COMMD9: variants seen among roughly 807,000 people sequenced by gnomAD.
COMMD9 encodes the protein COMM domain containing 9.
In COMMD9, 22 loss-of-function variants were observed where a neutral mutation model predicts 23.4. The ratio of observed to expected loss-of-function variants is 0.94; its 90% CI spans 0.67 to 1.34. The LOEUF is 1.34. COMMD9 is among the 40% of genes most tolerant of loss of function. The probability of loss-of-function intolerance (pLI) is 0.00; values close to 1 mark genes in which losing one functional copy is unlikely to be tolerated. For synonymous variants in COMMD9, 99 were observed against 97.4 expected (o/e 1.02, Z -0.10); for missense variants, 231 against 240.2 (o/e 0.96, Z 0.25).
At position 36,274,988 on chromosome 11, in the gene COMMD9, A is replaced by G. The variant is rs74644565; in HGVS notation, c.457-216T>C. Reference sequence around the variant, plus strand: ...CCTGGGTCAGTCTCCATTTGCAACAAGTGCCTTGGGTAGGTATCAAAGAAG... The same window carrying G: ...CCTGGGTCAGTCTCCATTTGCAACAGGTGCCTTGGGTAGGTATCAAAGAAG... On this transcript the variant is annotated intron_variant, in intron 5 of 5. Coordinates refer to ENST00000263401, the MANE Select transcript of COMMD9 (RefSeq NM_014186.4). 7.2e-3 allele frequency among the ~76,000 whole-genome samples: 1,090 copies of G among 152,338 alleles called. 13 individuals are homozygous for G. The highest frequency in any genetic ancestry group is 0.025 in the African/African-American group (1,037 of 41,572).
intron 5 of COMMD9, among the ~76,000 whole-genome samples, chr11:36,275,439 G>A (rs973482831): frequency 1.0e-4 from 14 of 136,494 alleles, no homozygotes; most frequent in East Asian, 2.1e-4. Context: ...CCAGCTGCTA[G>A]TAGAAACTTT....
chr11:36,284,179 A>G (rs1439301153), intron 1 of COMMD9, among the ~76,000 whole-genome samples: 1 of 152,218 alleles, frequency 6.6e-6, no homozygotes, highest in African/African-American at 2.4e-5. Flanking sequence ...GGCAGGTTGA[A>G]AGTAAAAGAA....
At chr11:36,284,823 G>C (rs1342390483) in intron 1 of COMMD9, among the ~76,000 whole-genome samples, 1 of 152,140 alleles carries the variant, frequency 6.6e-6, no homozygotes, top group African/African-American at 2.4e-5. Flanking sequence ...AAATTACACT[G>C]AATAAGTGAA....
At position 36,273,340 on chromosome 11, in the gene COMMD9, T is replaced by C. The variant is rs1565344392; in HGVS notation, c.*1292A>G. ...GTTGCCATGGAGATGATCTGGTGAG[T>C]GAAGGGGGAATCTTCACACATGGAG... On this transcript the variant is annotated 3_prime_UTR_variant, in exon 6 of 6. Coordinates refer to ENST00000263401, the MANE Select transcript of COMMD9 (RefSeq NM_014186.4). 6.6e-6 allele frequency: 1 copy of C among 152,116 alleles called. No individual in the cohort carries two copies. The highest frequency in any genetic ancestry group is 1.5e-5 in the Non-Finnish European group (1 of 68,022). The allele number at this position is 152,116 out of a possible 1,614,324, so 9.4% of individuals were successfully genotyped here.
Position 36,289,384 on chromosome 11 carries a change from G to A in COMMD9, c.29C>T (p.Ala10Val), listed in dbSNP as rs1356094909. 4 of 1,551,902 alleles carry A rather than the reference G, an allele frequency of 2.6e-6. No homozygotes were observed. The East Asian group carries it at 7.3e-5, about 28-fold the overall frequency. ...TACCTTGAGCAGGCTCTGGAGTGCTGCAAAATGCTCCGCTGTCAGGGCAGC... is the reference window on the plus strand; with the variant it reads ...TACCTTGAGCAGGCTCTGGAGTGCTACAAAATGCTCCGCTGTCAGGGCAGC... MAALTAEHF[A>V]ALQSLLKASS... is the part of the protein sequence containing the mutation. The change falls in exon 1 of 6, where the codon GCA becomes GTA. Residue 10 changes from alanine to valine, a missense_variant. Transcript: ENST00000263401.
At position 36,277,165 on chromosome 11, in the gene COMMD9, G is replaced by T. The variant is rs546204974; in HGVS notation, c.318-42C>A. The T allele has an allele frequency of 2.7e-6, 4 of 1,488,812 alleles. No individual in the cohort carries two copies. The South Asian group carries it at 3.7e-5, about 14-fold the overall frequency. 92.2% of individuals were successfully genotyped at this position (1,488,812 alleles called of 1,614,324 possible). A position where few individuals can be genotyped will look rare whatever the true frequency, so the allele number is the denominator to read the frequency against. On this transcript the variant is annotated intron_variant, in intron 3 of 5. Transcript: ENST00000263401. ...GATGAGGAAAAAATAATGGAAAGGG[G>T]ATGAGACTGACTCTTCTGATAGAGA... is the stretch of plus-strand genomic sequence containing the variant.
At chr11:36,274,921 G>A (rs1855945699) in intron 5 of COMMD9, 149 bp from the exon 6 acceptor site, 1 of 941,100 alleles carries the variant, frequency 1.1e-6, no homozygotes, top group South Asian at 1.7e-5. Context: ...CAGCCCTTGG[G>A]TCATTTAGCA....
chr11:36,282,150 T>A (rs1318315844), intron 1 of COMMD9, among the ~76,000 whole-genome samples: 1 of 152,026 alleles, frequency 6.6e-6, no homozygotes, highest in Non-Finnish European at 1.5e-5. Context: ...CTCAGGGACA[T>A]GCGGGACTAT....
chr11:36,277,771 A>T (rs1465667232), intron 3 of COMMD9, among the ~76,000 whole-genome samples: 1 of 152,214 alleles, frequency 6.6e-6, no homozygotes, highest in East Asian at 1.9e-4. Flanking sequence ...GATATCTGAC[A>T]TCACTAGTGT....
intron 3 of COMMD9, among the ~76,000 whole-genome samples, chr11:36,277,411 T>G (rs1327855273): frequency 2.0e-5 from 3 of 152,240 alleles, no homozygotes; most frequent in Non-Finnish European, 4.4e-5. Flanking sequence ...TGTGCTTTTG[T>G]TCAAAGACAA....
At chr11:36,287,719 T>C (rs1856196196) in intron 1 of COMMD9, among the ~76,000 whole-genome samples, 1 of 151,960 alleles carries the variant, frequency 6.6e-6, no homozygotes, top group Non-Finnish European at 1.5e-5. Context: ...AAAAAGTATA[T>C]GCTGTATTAT....
intron 1 of COMMD9, among the ~76,000 whole-genome samples, chr11:36,282,689 C>G (rs538308249): frequency 1.3e-5 from 2 of 152,096 alleles, no homozygotes; most frequent in African/African-American, 4.8e-5. Context: ...AAACAAGAAA[C>G]CATGGAACAC....
intron 2 of COMMD9, 146 bp from the exon 3 acceptor site, chr11:36,278,762 GCACATGCTCATGCCC>G (rs1856018136): frequency 1.3e-6 from 1 of 750,392 alleles, no homozygotes; most frequent in Non-Finnish European, 2.1e-6. Context: ...GGCCTCTGTG[GCACATGCTCATGCCC>G]CACATGCCTT....
At chr11:36,278,443 AG>A in intron 3 of COMMD9, 33 bp downstream of exon 3, 1 of 1,568,880 alleles carries the variant, frequency 6.4e-7, no homozygotes, top group Non-Finnish European at 8.8e-7. Context: ...GAAATGTAAA[AG>A]TTAGAAGGGA....
At position 36,278,586 on chromosome 11, in the gene COMMD9, G is replaced by A; in HGVS notation, c.208C>T (p.Leu70=). 1 of 1,614,026 alleles carries A rather than the reference G, an allele frequency of 6.2e-7. No homozygotes were observed. Among genetic ancestry groups the A allele is most frequent in the South Asian group, 1.1e-5 (1 of 91,088 alleles). ...GAGGACAGGTCACGGAATGCCACCA[G>A]CCTAGTGAGGCGGTGCAGAGCCTGG... is the stretch of plus-strand genomic sequence containing the variant. ...LLQALHRLTR[L]VAFRDLSSAE... Residue 70 remains leucine, a synonymous_variant, in exon 3 of 6, where the codon CTG becomes TTG. Transcript: ENST00000263401.
intron 2 of COMMD9, among the ~76,000 whole-genome samples, chr11:36,279,879 G>A (rs1210535039): frequency 6.6e-6 from 1 of 152,208 alleles, no homozygotes; most frequent in African/African-American, 2.4e-5. Flanking sequence ...GCTGAGGTGG[G>A]TGGATTGCTT....
At chr11:36,285,271 A>G (rs1054961487) in intron 1 of COMMD9, among the ~76,000 whole-genome samples, 1 of 152,164 alleles carries the variant, frequency 6.6e-6, no homozygotes, top group Non-Finnish European at 1.5e-5. Flanking sequence ...AAATGGGCCA[A>G]TTCCTCAAAT....
intron 3 of COMMD9, among the ~76,000 whole-genome samples, chr11:36,277,466 C>T (rs745460818): frequency 2.6e-5 from 4 of 152,204 alleles, no homozygotes; most frequent in Non-Finnish European, 5.9e-5. Flanking sequence ...TGAGCACCTA[C>T]TGCATACACA....
chr11:36,279,553 G>A (rs1343273137), intron 2 of COMMD9, among the ~76,000 whole-genome samples: 1 of 152,184 alleles, frequency 6.6e-6, no homozygotes, highest in African/African-American at 2.4e-5. Flanking sequence ...TTCTCCCGGG[G>A]AACAATTCTG....
Sources: allele counts gnomAD v4.1 joint callset (sites outside exome capture counted in the v4.1 genomes callset), GRCh38; gene constraint gnomAD v4.1.1; transcripts MANE v1.5; gene names NCBI Gene and HGNC (gene_info 2026-07-23, HGNC 2026-07-21).